Variants in FBXL12 observed in about 807,000 individuals in gnomAD.
FBXL12 encodes the protein F-box/LRR-repeat protein 12.
Under a neutral mutation model 24.9 loss-of-function variants are expected in FBXL12, and 22 were observed. That is an observed-to-expected ratio of 0.88 (90% CI 0.63 to 1.26). FBXL12 has a LOEUF of 1.26. Ranked by LOEUF, FBXL12 falls within the 50% of genes most tolerant of loss-of-function variation. The probability of loss-of-function intolerance (pLI) is 0.00; values close to 1 mark genes in which losing one functional copy is unlikely to be tolerated. For synonymous variants in FBXL12, 193 were observed against 193.8 expected (o/e 1.00, Z 0.03); for missense variants, 384 against 434.1 (o/e 0.88, Z 1.03).
intron 2 of FBXL12, chr19:9,818,095 C>T: frequency 2.6e-6 from 1 of 385,130 alleles, no homozygotes; most frequent in South Asian, 1.3e-4. Context: ...GCCCGTGGTT[C>T]CAGCTACTCA....
intron 2 of FBXL12, among the ~76,000 whole-genome samples, chr19:9,812,530 CAAAAAAAAA>C (rs374538314): frequency 6.1e-5 from 2 of 32,566 alleles, no homozygotes; most frequent in Admixed American, 3.6e-4. Flanking sequence ...GACTCTGTCT[CAAAAAAAAA>C]AAAAAAAAAA....
intron 2 of FBXL12, among the ~76,000 whole-genome samples, chr19:9,815,653 A>G (rs2045865018): frequency 6.9e-6 from 1 of 145,924 alleles, no homozygotes; most frequent in African/African-American, 2.7e-5. Flanking sequence ...CTAAACTTCA[A>G]TTCTTTTTTT....
At chr19:9,812,090 C>A (rs2045768131) in intron 2 of FBXL12, among the ~76,000 whole-genome samples, 1 of 152,050 alleles carries the variant, frequency 6.6e-6, no homozygotes, top group Non-Finnish European at 1.5e-5. Flanking sequence ...ACATGCCCAG[C>A]TAATTTTTGT....
At chr19:9,812,491 AC>A (rs2045775834) in intron 2 of FBXL12, among the ~76,000 whole-genome samples, 1 of 138,306 alleles carries the variant, frequency 7.2e-6, no homozygotes, top group Admixed American at 8.3e-5. Flanking sequence ...ATATCGCACC[AC>A]TGCACTCCAG....
At chr19:9,815,554 G>T (rs2045862261) in intron 2 of FBXL12, among the ~76,000 whole-genome samples, 1 of 152,180 alleles carries the variant, frequency 6.6e-6, no homozygotes, top group Non-Finnish European at 1.5e-5. Context: ...CCTAGCAGAG[G>T]TTCTCCATGA....
intron 2 of FBXL12, chr19:9,818,058 A>C (rs568091073): frequency 2.2e-5 from 7 of 323,036 alleles, no homozygotes; most frequent in African/African-American, 1.5e-4. Context: ...TACAAAAAAT[A>C]AAAAATTAGC....
intron 2 of FBXL12, among the ~76,000 whole-genome samples, chr19:9,816,002 G>A (rs2145377718): frequency 6.6e-6 from 1 of 152,308 alleles, no homozygotes; most frequent in Admixed American, 6.5e-5. Flanking sequence ...CCATGTGGAA[G>A]CTGCCAAGAC....
intron 2 of FBXL12, among the ~76,000 whole-genome samples, chr19:9,817,350 G>A (rs557173519): frequency 1.3e-5 from 2 of 152,240 alleles, no homozygotes; most frequent in Admixed American, 6.5e-5. Flanking sequence ...TTTTGACAGA[G>A]GAATCAAATC....
At chr19:9,815,356 C>G (rs192655126) in intron 2 of FBXL12, among the ~76,000 whole-genome samples, 1 of 152,352 alleles carries the variant, frequency 6.6e-6, no homozygotes, top group Admixed American at 6.5e-5. Flanking sequence ...TACAGCCTCC[C>G]TCCCAGCTGC....
At chr19:9,818,493 G>A in intron 2 of FBXL12, 52 bp downstream of exon 2, 4 of 1,519,834 alleles carry the variant, frequency 2.6e-6, no homozygotes, top group East Asian at 2.5e-5. Flanking sequence ...GTGGTCTTCG[G>A]GGTCCGGGCA....
chr19:9,818,046 T>C, intron 2 of FBXL12: 1 of 296,132 alleles, frequency 3.4e-6, no homozygotes, highest in Non-Finnish European at 6.2e-6. Context: ...AGACTCCGTC[T>C]CTACAAAAAA....
At position 9,811,197 on chromosome 19, in the gene FBXL12, A is replaced by C. The variant is rs1249708529; in HGVS notation, c.680T>G (p.Leu227Arg). Residue 227 changes from leucine (L) to arginine (R), a missense_variant, in exon 3 of 3, where the codon CTC becomes CGC. Transcript: ENST00000247977. The surrounding 1 kb of genome is among the most constrained non-coding windows in gnomAD (Gnocchi z 6.0). ...DSTLLAISRH[L>R]RDVRKIRLTV... Reference sequence around the variant, plus strand: ...CAGCCGGATCTTGCGCACATCTCGGAGGTGGCGGCTGATGGCCAGCAGGGT... The same window carrying C: ...CAGCCGGATCTTGCGCACATCTCGGCGGTGGCGGCTGATGGCCAGCAGGGT... 1.2e-6 allele frequency: 2 copies of C among 1,613,046 alleles called. No homozygotes were observed. The highest frequency in any genetic ancestry group is 1.7e-6 in the Non-Finnish European group (2 of 1,179,474).
Position 9,811,056 on chromosome 19 carries a change from A to G in FBXL12, c.821T>C (p.Ile274Thr). ...VTPEMPSPTEILSSCLTMPKL... is the reference protein window; with the variant it reads ...VTPEMPSPTETLSSCLTMPKL... ...GGGCATAGTGAGGCAGGAGGAGAGGATTTCAGTGGGGGAGGGCATTTCTGG... is the reference window on the plus strand; with the variant it reads ...GGGCATAGTGAGGCAGGAGGAGAGGGTTTCAGTGGGGGAGGGCATTTCTGG... Residue 274 changes from isoleucine (I) to threonine (T), a missense_variant, in exon 3 of 3, where the codon ATC becomes ACC. By Grantham distance (89) the Ile-to-Thr change is moderately conservative (BLOSUM62 -1). Transcript: ENST00000247977. This position sits in a 1 kb window ranked among gnomAD's most constrained non-coding sequence, Gnocchi z 6.0. 6.2e-7 allele frequency: 1 copy of G among 1,607,304 alleles called. No homozygotes were observed. The highest frequency in any genetic ancestry group is 1.1e-5 in the South Asian group (1 of 90,830).
In FBXL12 at chr19:9,811,558, G is replaced by A. The variant is rs1169523668; in HGVS notation, c.319C>T (p.Leu107Phe). 1.2e-6 allele frequency: 2 copies of A among 1,603,152 alleles called. No individual in the cohort carries two copies. Among genetic ancestry groups the A allele is most frequent in the Admixed American group, 1.7e-5 (1 of 59,368 alleles). The change falls in exon 3 of 3, where the codon CTC becomes TTC. Residue 107 changes from leucine (L) to phenylalanine (F), a missense_variant. Physicochemically the swap from Leu to Phe is conservative, Grantham distance 22. Coordinates refer to ENST00000247977, the MANE Select transcript of FBXL12 (RefSeq NM_017703.3). The surrounding 1 kb of genome is among the most constrained non-coding windows in gnomAD (Gnocchi z 6.0). ...LGQKCPNLKRLCLHVADLSMV... is the reference protein window; with the variant it reads ...LGQKCPNLKRFCLHVADLSMV... Reference sequence around the variant, plus strand: ...CTCAGGTCGGCCACGTGCAGGCAGAGGCGCTTCAGGTTGGGGCACTTCTGG... The same window carrying A: ...CTCAGGTCGGCCACGTGCAGGCAGAAGCGCTTCAGGTTGGGGCACTTCTGG...
rs779372407 is a variant in FBXL12, at chr19:9,811,273, T to C, written c.604A>G (p.Ser202Gly). The C allele has an allele frequency of 1.2e-6, 2 of 1,610,850 alleles. No homozygotes were observed. The highest frequency in any genetic ancestry group is 3.3e-5 in the Admixed American group (2 of 60,020). ...TGLDAGLQEL[S>G]YLQRLEVLGC... is the part of the protein sequence containing the mutation. ...AGCACCTCAAGCCTCTGCAGATAGC[T>C]GAGCTCCTGCAGGCCAGCATCCAGC... The change falls in exon 3 of 3, where the codon AGC (serine) becomes GGC (glycine). Residue 202 changes from serine to glycine, a missense_variant. Transcript: ENST00000247977. The surrounding 1 kb of genome is among the most constrained non-coding windows in gnomAD (Gnocchi z 6.0).
At position 9,811,155 on chromosome 19, in the gene FBXL12, G is replaced by C; in HGVS notation, c.722C>G (p.Ser241Cys). The C allele has an allele frequency of 6.2e-7, 1 of 1,606,916 alleles. No homozygotes were observed. Among genetic ancestry groups the C allele is most frequent in the Non-Finnish European group, 8.5e-7 (1 of 1,174,120 alleles). ...CTCCAGCACAGCCAGGCCAGGGGCA[G>C]AGAGGCCCCTCACGGTCAGCCGGAT... The part of the protein sequence containing the change: ...RKIRLTVRGL[S>C]APGLAVLEGM... The change falls in exon 3 of 3, where the codon TCT (serine) becomes TGT (cysteine). Residue 241 changes from serine (S) to cysteine (C), a missense_variant. Physicochemically the swap from Ser to Cys is moderately radical, Grantham distance 112. Coordinates refer to ENST00000247977, the MANE Select transcript of FBXL12 (RefSeq NM_017703.3). The surrounding 1 kb of genome is among the most constrained non-coding windows in gnomAD (Gnocchi z 6.0).
Position 9,811,010 on chromosome 19 carries a change from C to A in FBXL12, c.867G>T (p.Leu289=). ...CCTGACCCTCCCACCCCAGCCCCTG[C>A]AGCTCAAGGACTCTGAGCTTGGGCA... The part of the protein sequence containing the change: ...LTMPKLRVLE[L]QGLGWEGQEA... Residue 289 remains leucine (L), a synonymous_variant, in exon 3 of 3, where the codon CTG becomes CTT. Transcript: ENST00000247977. This position sits in a 1 kb window ranked among gnomAD's most constrained non-coding sequence, Gnocchi z 6.0. 6.2e-7 allele frequency: 1 copy of A among 1,613,458 alleles called. No individual in the cohort carries two copies. The highest frequency in any genetic ancestry group is 8.5e-7 in the Non-Finnish European group (1 of 1,179,636).
chr19:9,817,790 A>C (rs760391713), intron 2 of FBXL12, among the ~76,000 whole-genome samples: 3 of 152,264 alleles, frequency 2.0e-5, no homozygotes, highest in Non-Finnish European at 4.4e-5. Flanking sequence ...GAAGTTCAGA[A>C]ATACATTACT....
chr19:9,816,747 A>G (rs1199711711), intron 2 of FBXL12, among the ~76,000 whole-genome samples: 1 of 152,130 alleles, frequency 6.6e-6, no homozygotes, highest in African/African-American at 2.4e-5. Context: ...ATGCTTCTAC[A>G]TTTTTGGGTA....
Sources: gnomAD v4.1 joint callset for allele counts (sites outside exome capture counted in the v4.1 genomes callset) on GRCh38, gnomAD v4.1.1 for gene constraint, Gnocchi (gnomAD v3.1) non-coding constraint, MANE v1.5 for transcripts, NCBI Gene and HGNC (gene_info 2026-07-23, HGNC 2026-07-21) for gene names.